DDX46: variants seen among roughly 807,000 people sequenced by gnomAD.
DDX46 encodes DEAD-box helicase 46.
Under a neutral mutation model 134.9 loss-of-function variants are expected in DDX46, and 30 were observed. That is an observed-to-expected ratio of 0.22 (90% CI 0.17 to 0.30). The LOEUF is 0.30. Among genes scored for constraint, DDX46 ranks in the 10% least tolerant of loss-of-function variants. The probability of loss-of-function intolerance (pLI) is 1.00; values close to 1 mark genes in which losing one functional copy is unlikely to be tolerated. For missense variants in DDX46, 622 were observed against 1,248.7 expected, an observed-to-expected ratio of 0.50 and a Z score of 7.56; for synonymous variants, 415 against 404.1, an observed-to-expected ratio of 1.03 and a Z score of -0.32.
chr5:134,778,020 CTT>C (rs558645191), intron 6 of DDX46: 1,611 of 150,472 alleles, frequency 0.011, no homozygotes, highest in South Asian at 0.022. Context: ...CTTTGATACT[CTT>C]TTTTTTTTTT....
At chr5:134,811,080 GACTCTT>G in intron 16 of DDX46, 135 bp from the exon 17 acceptor site, 1 of 636,220 alleles carries the variant, frequency 1.6e-6, no homozygotes. Context: ...AATTTAGTAA[GACTCTT>G]TCGTGGCTTT....
chr5:134,795,184 C>T (rs1466264658), intron 14 of DDX46, among the ~76,000 whole-genome samples, 170 bp downstream of exon 14: 5 of 150,342 alleles, frequency 3.3e-5, no homozygotes, highest in South Asian at 2.1e-4. Flanking sequence ...TGCTGTTCCA[C>T]GGAGCTATTT....
At chr5:134,812,008 T>A (rs2150156771) in intron 18 of DDX46, among the ~76,000 whole-genome samples, 163 bp downstream of exon 18, 1 of 149,370 alleles carries the variant, frequency 6.7e-6, no homozygotes, top group Non-Finnish European at 1.5e-5. Context: ...CCAGTACCCC[T>A]CCTCTCAATA....
chr5:134,784,551 T>C lies in DDX46; in HGVS notation c.1342+10T>C, dbSNP rs1309905527. 3 of 1,568,960 alleles carry C rather than the reference T, an allele frequency of 1.9e-6. No individual in the cohort carries two copies. Among genetic ancestry groups the C allele is most frequent in the South Asian group, 1.2e-5 (1 of 83,816 alleles). ...GGAGAGGGGCCAATAGGTACAATTCTTTTCATTAAACTATTTTTCAAATAA... is the reference window on the plus strand; with the variant it reads ...GGAGAGGGGCCAATAGGTACAATTCCTTTCATTAAACTATTTTTCAAATAA... On this transcript the variant is annotated intron_variant, in intron 10 of 22. Coordinates refer to ENST00000452510, the MANE Select transcript of DDX46 (RefSeq NM_001300860.2).
chr5:134,798,423 G>A (rs1754732852), intron 15 of DDX46, among the ~76,000 whole-genome samples: 1 of 151,986 alleles, frequency 6.6e-6, no homozygotes, highest in Non-Finnish European at 1.5e-5. Context: ...GGCTGTTCTT[G>A]AGCTCCTGAC....
intron 6 of DDX46, among the ~76,000 whole-genome samples, chr5:134,779,331 T>A (rs1754058068): frequency 1.3e-5 from 2 of 151,896 alleles, no homozygotes; most frequent in African/African-American, 4.8e-5. Flanking sequence ...GTAGCTGGGA[T>A]TACAGGCGCC....
intron 9 of DDX46, among the ~76,000 whole-genome samples, chr5:134,783,337 T>C (rs1754216444): frequency 6.6e-6 from 1 of 150,724 alleles, no homozygotes; most frequent in Non-Finnish European, 1.5e-5. Flanking sequence ...CACTGTGACC[T>C]CGGCCTCCCG....
At chr5:134,766,660 G>T (rs1234636507) in intron 2 of DDX46, among the ~76,000 whole-genome samples, 2 of 152,210 alleles carry the variant, frequency 1.3e-5, no homozygotes, top group Non-Finnish European at 2.9e-5. Flanking sequence ...GGCAGAGGTT[G>T]CAGTGAGCTG....
chr5:134,827,094 A>T, intron 22 of DDX46, 74 bp downstream of exon 22: 1 of 1,410,718 alleles, frequency 7.1e-7, no homozygotes, highest in Non-Finnish European at 9.7e-7. Context: ...ACAGAGAAGT[A>T]CTCAAATCAT....
Position 134,799,753 on chromosome 5 carries a change from A to C in DDX46, c.1954+3603A>C, listed in dbSNP as rs370873929. 6.6e-5 allele frequency among the ~76,000 whole-genome samples: 10 copies of C among 152,004 alleles called. No homozygotes were observed. The South Asian group carries it at 1.0e-3, about 16-fold the overall frequency. On this transcript the variant is annotated intron_variant, in intron 15 of 22. Transcript: ENST00000452510. ...GACTCCGTCTCAAGAAAAAAAAAAA[A>C]AAAACCCTAATCTGGGCACAGTGTT...
At chr5:134,801,088 A>T (rs572972008) in intron 15 of DDX46, among the ~76,000 whole-genome samples, 5 of 152,282 alleles carry the variant, frequency 3.3e-5, no homozygotes, top group Non-Finnish European at 7.3e-5. Context: ...GTTTGAGACC[A>T]GTCTGGGCAG....
chr5:134,816,843 A>T, intron 19 of DDX46: 1 of 477,984 alleles, frequency 2.1e-6, no homozygotes, highest in South Asian at 2.5e-5. Context: ...GTAGTTTTAT[A>T]GGGTAGTATT....
intron 9 of DDX46, 70 bp downstream of exon 9, chr5:134,783,135 TC>T: frequency 6.5e-7 from 1 of 1,527,566 alleles, no homozygotes; most frequent in Non-Finnish European, 8.8e-7. Context: ...CACCAGTGTC[TC>T]CCTGAGTTAC....
Position 134,830,871 on chromosome 5 carries a change from C to T in DDX46, c.*2165C>T, listed in dbSNP as rs888844478. 2 of 152,562 alleles carry T rather than the reference C, an allele frequency of 1.3e-5. No individual in the cohort carries two copies. The highest frequency in any genetic ancestry group is 2.4e-5 in the African/African-American group (1 of 41,430). The allele number at this position is 152,562 out of a possible 1,614,324, so 9.5% of individuals were successfully genotyped here. On this transcript the variant is annotated 3_prime_UTR_variant, in exon 23 of 23. Coordinates refer to ENST00000452510, the MANE Select transcript of DDX46 (RefSeq NM_001300860.2). ...TCCCACATCGATGATAATTGGTGCT[C>T]CCTTCATCCAACTGGATCACTTTGA...
chr5:134,816,988 C>T (rs1755303280), intron 19 of DDX46: 1 of 188,410 alleles, frequency 5.3e-6, no homozygotes, highest in African/African-American at 2.4e-5. Flanking sequence ...TGGTCTTAAA[C>T]AGTGGAGAAA....
intron 22 of DDX46, 115 bp downstream of exon 22, chr5:134,827,135 T>C: frequency 9.9e-7 from 1 of 1,013,508 alleles, no homozygotes; most frequent in Non-Finnish European, 1.4e-6. Flanking sequence ...TTTCACAAAG[T>C]AATAAGCATA....
At chr5:134,780,259 A>G (rs1225846697) in intron 6 of DDX46, among the ~76,000 whole-genome samples, 1 of 149,810 alleles carries the variant, frequency 6.7e-6, no homozygotes, top group Admixed American at 6.7e-5. Flanking sequence ...ATATTTTTAT[A>G]TATATTATTG....
intron 2 of DDX46, 104 bp downstream of exon 2, chr5:134,764,196 A>G (rs557145877): frequency 9.9e-6 from 11 of 1,112,668 alleles, no homozygotes; most frequent in South Asian, 5.2e-5. Flanking sequence ...TGGTGGCCCA[A>G]TTGCAGGCCC....
intron 2 of DDX46, 83 bp from the exon 3 acceptor site, chr5:134,766,834 C>CT (rs1423307276): frequency 6.8e-7 from 1 of 1,460,368 alleles, no homozygotes; most frequent in Non-Finnish European, 9.1e-7. Context: ...GATTAAGATT[C>CT]TTTCAATGTG....
Sources: allele counts gnomAD v4.1 joint callset (sites outside exome capture counted in the v4.1 genomes callset), GRCh38; gene constraint gnomAD v4.1.1; transcripts MANE v1.5; gene names NCBI Gene and HGNC (gene_info 2026-07-23, HGNC 2026-07-21).